PRKCH: variants seen among roughly 807,000 people sequenced by gnomAD.
PRKCH encodes protein kinase C eta.
PRKCH carries 28 observed loss-of-function variants against 82.5 expected under a neutral mutation model. The ratio of observed to expected loss-of-function variants is 0.34; its 90% confidence interval spans 0.25 to 0.47. The LOEUF (loss-of-function observed/expected upper bound fraction) is 0.47. Ranked by LOEUF, PRKCH falls within the 20% of genes least tolerant of loss-of-function variation. PRKCH has a pLI of 1.00. For synonymous variants in PRKCH, 322 were observed against 327.4 expected (o/e 0.98, Z 0.18); for missense variants, 705 against 881.8 (o/e 0.80, Z 2.54).
At chr14:61,365,227 T>C (rs902961872) in intron 1 of PRKCH, among the ~76,000 whole-genome samples, 5 of 152,220 alleles carry the variant, frequency 3.3e-5, no homozygotes, top group African/African-American at 1.2e-4. Flanking sequence ...TTTTGAGCCA[T>C]ATGCAGGGGC....
At chr14:61,247,065 C>T (rs185511066) in intron 1 of PRKCH, among the ~76,000 whole-genome samples, 126 of 152,252 alleles carry the variant, frequency 8.3e-4, no homozygotes, top group Non-Finnish European at 1.4e-3. Context: ...GCCTGCATCA[C>T]GTTGAAATGC....
chr14:61,437,665 G>A (rs1423083330), intron 2 of PRKCH, among the ~76,000 whole-genome samples: 1 of 152,126 alleles, frequency 6.6e-6, no homozygotes, highest in African/African-American at 2.4e-5. Context: ...AAAGGGCACA[G>A]TGCAGGGTGT....
intron 1 of PRKCH, chr14:61,279,969 C>T: frequency 8.4e-6 from 7 of 837,754 alleles, no homozygotes; most frequent in Non-Finnish European, 1.3e-5. Context: ...ATCTGGTCCC[C>T]TCATTCACAA....
At chr14:61,266,062 GT>G (rs1375528430) in intron 1 of PRKCH, among the ~76,000 whole-genome samples, 2 of 148,748 alleles carry the variant, frequency 1.3e-5, no homozygotes, top group Non-Finnish European at 3.0e-5. Context: ...CCCCAAGAAT[GT>G]GAAAAGGGAT....
intron 2 of PRKCH, among the ~76,000 whole-genome samples, chr14:61,411,112 A>G (rs1594676198): frequency 6.6e-6 from 1 of 152,214 alleles, no homozygotes; most frequent in Non-Finnish European, 1.5e-5. Flanking sequence ...GCGACTTCCA[A>G]CAAACCATCC....
At chr14:61,286,497 A>C (rs1594892057) in intron 1 of PRKCH, among the ~76,000 whole-genome samples, 1 of 152,194 alleles carries the variant, frequency 6.6e-6, no homozygotes, top group African/African-American at 2.4e-5. Context: ...ACAGTGGTCA[A>C]AGAGAGGGTG....
intron 2 of PRKCH, among the ~76,000 whole-genome samples, chr14:61,410,166 T>C (rs1013391708): frequency 1.1e-4 from 16 of 152,216 alleles, no homozygotes; most frequent in Admixed American, 8.5e-4. Flanking sequence ...AATGACCAGA[T>C]GGCATCTCTT....
intron 1 of PRKCH, among the ~76,000 whole-genome samples, chr14:61,366,892 AG>A (rs2046303378): frequency 6.6e-6 from 1 of 152,030 alleles, no homozygotes; most frequent in Non-Finnish European, 1.5e-5. Context: ...AAATCCACTG[AG>A]AGGAGCTCTC....
chr14:61,294,009 A>C (rs2045385507), intron 1 of PRKCH, among the ~76,000 whole-genome samples: 1 of 152,212 alleles, frequency 6.6e-6, no homozygotes, highest in African/African-American at 2.4e-5. Context: ...GATGCCTGAC[A>C]GTTCACGTCA....
intron 1 of PRKCH, among the ~76,000 whole-genome samples, chr14:61,350,279 G>A (rs1484305018): frequency 6.6e-6 from 1 of 152,136 alleles, no homozygotes; most frequent in African/African-American, 2.4e-5. Context: ...ACGCTTGCTT[G>A]TTAGTTACCT....
At chr14:61,381,792 A>G (rs1224168325) in intron 1 of PRKCH, among the ~76,000 whole-genome samples, 1 of 152,236 alleles carries the variant, frequency 6.6e-6, no homozygotes, top group Non-Finnish European at 1.5e-5. Flanking sequence ...CCAGGCTCCC[A>G]GGGGAATGAG....
chr14:61,413,435 C>A (rs1882388649), intron 2 of PRKCH, among the ~76,000 whole-genome samples: 1 of 137,568 alleles, frequency 7.3e-6, no homozygotes. Context: ...GTACCCTGTG[C>A]CTATATTCTA....
rs1225996721 is a variant in PRKCH at position 61,280,169 on chromosome 14, G to A, written c.-19+92501G>A. On this transcript the variant is annotated intron_variant, in intron 1 of 3. Transcript: ENST00000555185. This position sits in a 1 kb window ranked among gnomAD's most constrained non-coding sequence, Gnocchi z 5.0. ...ATGACAAAGCCGGTGAGGATGCAGA[G>A]GGAGCCGACGACCAGGTAGGCGATG... 3 of 1,614,174 alleles carry A rather than the reference G, an allele frequency of 1.9e-6. No individual in the cohort carries two copies. In the South Asian group the frequency reaches 3.3e-5, roughly 18 times the overall value.
rs144916196 is a variant in PRKCH at position 61,251,189 on chromosome 14, G to A, written c.-19+63521G>A. 2.6e-3 allele frequency among the ~76,000 whole-genome samples: 403 copies of A among 152,216 alleles called. 3 individuals are homozygous for A. The highest frequency in any genetic ancestry group is 9.3e-3 in the African/African-American group (387 of 41,538). On this transcript the variant is annotated intron_variant, in intron 1 of 3. Transcript: ENST00000555185. ...AAAATGGGTATCCATCCCCTCAAGC[G>A]TTTATCCTTTGTGTTACAAACAATC...
At chr14:61,387,130 C>T (rs2046600034) in intron 1 of PRKCH, among the ~76,000 whole-genome samples, 1 of 152,226 alleles carries the variant, frequency 6.6e-6, no homozygotes, top group African/African-American at 2.4e-5. Flanking sequence ...GAAGCGAGAT[C>T]TTGTCCCTTC....
chr14:61,447,855 A>G (rs1884300776), intron 4 of PRKCH, among the ~76,000 whole-genome samples: 1 of 152,228 alleles, frequency 6.6e-6, no homozygotes, highest in African/African-American at 2.4e-5. Flanking sequence ...AAGATCTAAA[A>G]CCAAGATTCG....
intron 11 of PRKCH, 95 bp from the exon 12 acceptor site, chr14:61,530,312 T>C: frequency 7.6e-7 from 1 of 1,317,242 alleles, no homozygotes; most frequent in Non-Finnish European, 1.0e-6. Context: ...AAAAAAACTT[T>C]GATATTTCCT....
At chr14:61,237,120 G>C (rs989454337) in intron 1 of PRKCH, among the ~76,000 whole-genome samples, 2 of 151,848 alleles carry the variant, frequency 1.3e-5, no homozygotes, top group East Asian at 1.9e-4. Flanking sequence ...GCAAGCGCCT[G>C]TGGTCCCAGC....
Position 61,485,673 on chromosome 14 carries a change from G to T in PRKCH, c.1433+17G>T, listed in dbSNP as rs767006918. 3.1e-6 allele frequency: 5 copies of T among 1,606,264 alleles called. No homozygotes were observed. Among genetic ancestry groups the T allele is most frequent in the African/African-American group, 1.3e-5 (1 of 74,844 alleles). On this transcript the variant is annotated intron_variant, in intron 10 of 13. Coordinates refer to ENST00000332981, the MANE Select transcript of PRKCH (RefSeq NM_006255.5). Reference sequence around the variant, plus strand: ...CATCTATAGGTGAGTTTTGGTTGCTGCCCTGTCTTCTAATTCACTGCCTCT... The same window carrying T: ...CATCTATAGGTGAGTTTTGGTTGCTTCCCTGTCTTCTAATTCACTGCCTCT...
Sources: allele counts gnomAD v4.1 joint callset (sites outside exome capture counted in the v4.1 genomes callset), GRCh38; gene constraint gnomAD v4.1.1; non-coding constraint Gnocchi (gnomAD v3.1); transcripts MANE v1.5; gene names NCBI Gene and HGNC (gene_info 2026-07-23, HGNC 2026-07-21).